Variants in LRRIQ3 observed in about 807,000 individuals in gnomAD.
LRRIQ3 encodes the protein leucine rich repeats and IQ motif containing 3, also known as leucine-rich repeat and IQ domain-containing protein 3.
LRRIQ3 carries 75 observed loss-of-function variants against 59.3 expected under a neutral mutation model. The observed-to-expected ratio is 1.26, with a 90% CI of 1.05 to 1.53. The LOEUF (loss-of-function observed/expected upper bound fraction) is 1.53, where lower values mean the gene tolerates loss of function less well. Ranked by LOEUF, LRRIQ3 falls within the 40% of genes most tolerant of loss-of-function variation. The pLI is 0.00. For missense variants in LRRIQ3, 831 were observed against 710.0 expected (o/e 1.17, Z -1.94); for synonymous variants, 250 against 231.3 (o/e 1.08, Z -0.73).
At chr1:74,172,329 A>G (rs749138759) in intron 3 of LRRIQ3, among the ~76,000 whole-genome samples, 28 of 152,118 alleles carry the variant, frequency 1.8e-4, no homozygotes, top group Non-Finnish European at 2.9e-4. Context: ...TCAGTGTTTT[A>G]TAATTTCTTT....
chr1:74,142,515 C>T (rs1647303066), intron 4 of LRRIQ3, among the ~76,000 whole-genome samples: 1 of 151,916 alleles, frequency 6.6e-6, no homozygotes, highest in African/African-American at 2.4e-5. Context: ...GGTGGCCAAA[C>T]CATTCTTCGA....
intron 7 of LRRIQ3, among the ~76,000 whole-genome samples, chr1:74,037,103 A>T (rs1202444176): frequency 2.6e-5 from 4 of 152,182 alleles, no homozygotes; most frequent in Non-Finnish European, 5.9e-5. Flanking sequence ...AACCTTTACT[A>T]ATTGAGGTTC....
At chr1:74,108,946 G>A in intron 5 of LRRIQ3, 1 of 351,946 alleles carries the variant, frequency 2.8e-6, no homozygotes, top group Non-Finnish European at 5.5e-6. Flanking sequence ...CACAGTGCCT[G>A]GGATATAGTA....
intron 7 of LRRIQ3, among the ~76,000 whole-genome samples, chr1:74,037,794 A>G (rs181623358): frequency 6.6e-6 from 1 of 152,300 alleles, no homozygotes; most frequent in East Asian, 1.9e-4. Flanking sequence ...CAGTCAAGGG[A>G]GGTGGTGAGT....
chr1:74,132,739 T>G (rs1157338820), intron 4 of LRRIQ3, among the ~76,000 whole-genome samples: 1 of 152,116 alleles, frequency 6.6e-6, no homozygotes, highest in African/African-American at 2.4e-5. Flanking sequence ...ACTTAAATGT[T>G]AGACCTAAAA....
chr1:74,191,026 G>A (rs1356008484), intron 1 of LRRIQ3, among the ~76,000 whole-genome samples: 5 of 152,128 alleles, frequency 3.3e-5, no homozygotes, highest in African/African-American at 9.7e-5. Flanking sequence ...GGAACTGTGA[G>A]TCCACTAAAC....
intron 6 of LRRIQ3, among the ~76,000 whole-genome samples, chr1:74,060,246 TTCTTCTTCTTCCTCTTCCTCTTCTTTC>T (rs1654678350): frequency 8.3e-6 from 1 of 121,166 alleles, no homozygotes; most frequent in African/African-American, 3.0e-5. Context: ...CTTCTTCTTC[TTCTTCTTCTTCCTCTTCCTCTTCTTTC>T]TCTTCCTCCT....
chr1:74,188,874 T>C (rs775539043), intron 1 of LRRIQ3, among the ~76,000 whole-genome samples: 1 of 152,170 alleles, frequency 6.6e-6, no homozygotes, highest in Non-Finnish European at 1.5e-5. Context: ...TAAATTCCTT[T>C]ATTTTTAATT....
At chr1:74,184,083 C>T (rs141832349) in intron 1 of LRRIQ3, among the ~76,000 whole-genome samples, 8 of 152,012 alleles carry the variant, frequency 5.3e-5, no homozygotes, top group African/African-American at 1.9e-4. Flanking sequence ...TAAAGAAATA[C>T]ACTGAATAAT....
intron 4 of LRRIQ3, among the ~76,000 whole-genome samples, chr1:74,138,162 A>C (rs1312816806): frequency 7.5e-5 from 4 of 53,616 alleles, no homozygotes; most frequent in Admixed American, 2.5e-4. Context: ...AAACAAACAA[A>C]CAAAAAAAAA....
At chr1:74,027,100 C>T (rs1653539350) in intron 7 of LRRIQ3, 131 bp from the exon 8 acceptor site, 2 of 544,146 alleles carry the variant, frequency 3.7e-6, no homozygotes, top group Admixed American at 7.6e-5. Flanking sequence ...AGACACAACT[C>T]CATTTATATA....
In LRRIQ3 at chr1:74,034,618, T is replaced by G. The variant is rs1432036218; in HGVS notation, c.1718+6595A>C. ...AAATTAAAATAAGTTATAGGAAATA[T>G]TTCCAAAGCACACACAGACACACAC... is the stretch of plus-strand genomic sequence containing the variant. On this transcript the variant is annotated intron_variant, in intron 7 of 7. Transcript: ENST00000354431. 3.0e-5 allele frequency among the ~76,000 whole-genome samples: 4 copies of G among 132,176 alleles called. No homozygotes were observed. In the East Asian group the frequency reaches 9.3e-4, roughly 31 times the overall value. The allele number at this position is 132,176 out of a possible 152,430, so 86.7% of individuals were successfully genotyped here. A position where few individuals can be genotyped will look rare whatever the true frequency, so the allele number is the denominator to read the frequency against.
At chr1:74,103,751 G>A (rs1459672725) in intron 5 of LRRIQ3, among the ~76,000 whole-genome samples, 2 of 151,266 alleles carry the variant, frequency 1.3e-5, no homozygotes, top group Admixed American at 1.3e-4. Flanking sequence ...ATTTTGGCTT[G>A]TAATATTATG....
chr1:74,028,066 T>C (rs929439558), intron 7 of LRRIQ3, among the ~76,000 whole-genome samples: 3 of 152,012 alleles, frequency 2.0e-5, no homozygotes, highest in Non-Finnish European at 4.4e-5. Context: ...TATTTTTATA[T>C]CACGAACATG....
At chr1:74,195,216 T>C (rs554667302) in intron 1 of LRRIQ3, among the ~76,000 whole-genome samples, 1 of 152,150 alleles carries the variant, frequency 6.6e-6, no homozygotes, top group African/African-American at 2.4e-5. Context: ...TTTGCTTTCG[T>C]TGCATGTCAG....
intron 4 of LRRIQ3, 63 bp downstream of exon 4, chr1:74,155,670 C>A: frequency 7.0e-7 from 1 of 1,434,414 alleles, no homozygotes. Context: ...GAATTGACTT[C>A]TTATCATTTA....
At chr1:74,169,832 C>T (rs1200137088) in intron 3 of LRRIQ3, among the ~76,000 whole-genome samples, 1 of 152,022 alleles carries the variant, frequency 6.6e-6, no homozygotes, top group Non-Finnish European at 1.5e-5. Flanking sequence ...TTACAGGCTG[C>T]TTTGTTGTGT....
At chr1:74,144,477 A>AT in intron 4 of LRRIQ3, 1 of 349,456 alleles carries the variant, frequency 2.9e-6, no homozygotes, top group Non-Finnish European at 5.8e-6. Flanking sequence ...TAGAAAAAAA[A>AT]TGTTTTTTTT....
intron 4 of LRRIQ3, among the ~76,000 whole-genome samples, chr1:74,117,589 A>G (rs571552206): frequency 5.3e-5 from 8 of 152,226 alleles, no homozygotes; most frequent in Admixed American, 5.2e-4. Flanking sequence ...AAGGTGGTGA[A>G]ACCTTGTCTC....
Sources: gnomAD v4.1 joint callset for allele counts (sites outside exome capture counted in the v4.1 genomes callset) on GRCh38, gnomAD v4.1.1 for gene constraint, MANE v1.5 for transcripts, NCBI Gene and HGNC (gene_info 2026-07-23, HGNC 2026-07-21) for gene names.